The following IMMP2L variants were observed in gnomAD, a reference collection of about 807,000 sequenced individuals.
IMMP2L encodes the protein inner mitochondrial membrane peptidase subunit 2, also known as mitochondrial inner membrane protease subunit 2.
IMMP2L carries 18 observed loss-of-function variants against 19.3 expected under a neutral mutation model. The ratio of observed to expected loss-of-function variants is 0.93; its 90% CI spans 0.64 to 1.38. The LOEUF is 1.38. Ranked by LOEUF, IMMP2L falls within the 40% of genes most tolerant of loss-of-function variation. The pLI is 0.00. For synonymous variants in IMMP2L, 76 were observed against 73.0 expected (o/e 1.04, Z -0.21); for missense variants, 233 against 218.2 (o/e 1.07, Z -0.43).
chr7:110,962,745 A>C, intron 4 of IMMP2L: 1 of 1,058,748 alleles, frequency 9.4e-7, no homozygotes, highest in Non-Finnish European at 1.1e-6. Flanking sequence ...AGATTAGTTA[A>C]TATGTGTACT....
chr7:111,404,348 T>A (rs1238723348), intron 3 of IMMP2L, among the ~76,000 whole-genome samples: 9 of 151,872 alleles, frequency 5.9e-5, no homozygotes, highest in African/African-American at 1.9e-4. Context: ...AATGAAAAAA[T>A]TTTACTTCCT....
intron 3 of IMMP2L, among the ~76,000 whole-genome samples, chr7:111,055,917 T>C (rs968219685): frequency 6.6e-6 from 1 of 152,220 alleles, no homozygotes; most frequent in Non-Finnish European, 1.5e-5. Flanking sequence ...TATTGATGTA[T>C]GTGTGGCAAT....
intron 3 of IMMP2L, among the ~76,000 whole-genome samples, chr7:111,303,610 T>C (rs1398223925): frequency 6.6e-6 from 1 of 152,114 alleles, no homozygotes; most frequent in Non-Finnish European, 1.5e-5. Flanking sequence ...TCCCATTCTT[T>C]AAAACTACAC....
intron 3 of IMMP2L, among the ~76,000 whole-genome samples, chr7:111,093,601 T>C (rs565546862): frequency 6.6e-6 from 1 of 152,302 alleles, no homozygotes; most frequent in East Asian, 1.9e-4. Context: ...GAACAGTGGA[T>C]TCACTCTTTA....
chr7:110,692,323 T>C (rs1267957374), intron 5 of IMMP2L, among the ~76,000 whole-genome samples: 1 of 152,094 alleles, frequency 6.6e-6, no homozygotes, highest in Non-Finnish European at 1.5e-5. Flanking sequence ...AGTGGTATAA[T>C]GGATGCTGGA....
chr7:111,096,581 C>T (rs1187534092), intron 3 of IMMP2L, among the ~76,000 whole-genome samples: 2 of 151,262 alleles, frequency 1.3e-5, no homozygotes, highest in Non-Finnish European at 2.9e-5. Context: ...GTTGTTCTAC[C>T]TACTCATCCA....
intron 5 of IMMP2L, among the ~76,000 whole-genome samples, chr7:110,742,073 G>A (rs938736396): frequency 2.0e-5 from 3 of 152,104 alleles, no homozygotes; most frequent in African/African-American, 7.2e-5. Flanking sequence ...GACGCTTAAC[G>A]TAGCCTCAAG....
chr7:110,668,991 ATTAG>A (rs377674318), intron 5 of IMMP2L, among the ~76,000 whole-genome samples: 22 of 146,588 alleles, frequency 1.5e-4, no homozygotes, highest in African/African-American at 2.7e-4. Flanking sequence ...TACTGGCTGT[ATTAG>A]TTAGGTTCTC....
chr7:110,821,884 C>T (rs1484897368), intron 5 of IMMP2L, among the ~76,000 whole-genome samples: 1 of 152,098 alleles, frequency 6.6e-6, no homozygotes, highest in African/African-American at 2.4e-5. Context: ...GATCACGTCA[C>T]TGCACTCCAG....
At chr7:110,773,083 G>A (rs536647897) in intron 5 of IMMP2L, among the ~76,000 whole-genome samples, 100 of 151,812 alleles carry the variant, frequency 6.6e-4, no homozygotes, top group African/African-American at 2.3e-3. Flanking sequence ...TAAATTCCAC[G>A]TAACAAGACC....
chr7:111,393,151 CT>C (rs1249340553), intron 3 of IMMP2L, among the ~76,000 whole-genome samples: 1 of 151,924 alleles, frequency 6.6e-6, no homozygotes, highest in Non-Finnish European at 1.5e-5. Context: ...CAACCTGAAG[CT>C]TTTTAAGGGC....
intron 5 of IMMP2L, among the ~76,000 whole-genome samples, chr7:110,745,772 A>G (rs1024507833): frequency 3.3e-5 from 5 of 152,226 alleles, no homozygotes; most frequent in African/African-American, 1.2e-4. Context: ...GGAAAGGAAC[A>G]ACCAGCACCA....
At position 110,699,127 on chromosome 7, in the gene IMMP2L, TC is replaced by T. The variant is rs61691321; in HGVS notation, c.409-35407del. 9.3e-3 allele frequency among the ~76,000 whole-genome samples: 1,417 copies of T among 152,216 alleles called. 26 individuals carry two copies. Among genetic ancestry groups the T allele is most frequent in the African/African-American group, 0.032 (1,310 of 41,532 alleles). ...ATCCACTGAGGAAAAGTGTTATTCT[TC>T]CCCATAACTCCTCTACCTATTCTTT... On this transcript the variant is annotated intron_variant, in intron 5 of 5. Transcript: ENST00000405709.
intron 3 of IMMP2L, among the ~76,000 whole-genome samples, chr7:111,111,178 T>C (rs1234750325): frequency 2.0e-5 from 3 of 151,986 alleles, no homozygotes; most frequent in Non-Finnish European, 4.4e-5. Context: ...TAACCCTGTT[T>C]TGAAAGAACT....
At chr7:111,381,895 A>C (rs180998644) in intron 3 of IMMP2L, among the ~76,000 whole-genome samples, 1 of 152,150 alleles carries the variant, frequency 6.6e-6, no homozygotes, top group East Asian at 1.9e-4. Context: ...AAACTGAGGA[A>C]AGGCTGTTAT....
At chr7:110,967,436 C>A (rs1819658774) in intron 3 of IMMP2L, among the ~76,000 whole-genome samples, 1 of 151,964 alleles carries the variant, frequency 6.6e-6, no homozygotes, top group Admixed American at 6.6e-5. Flanking sequence ...AATAACTTAA[C>A]CCTAGGTCTA....
intron 1 of IMMP2L, among the ~76,000 whole-genome samples, chr7:111,556,212 T>A (rs952933603): frequency 7.9e-5 from 12 of 151,474 alleles, no homozygotes; most frequent in Admixed American, 7.2e-4. Context: ...CAGCCATGTA[T>A]AATGAAAGAG....
At chr7:111,216,728 G>A (rs1051113002) in intron 3 of IMMP2L, among the ~76,000 whole-genome samples, 2 of 152,056 alleles carry the variant, frequency 1.3e-5, no homozygotes, top group Non-Finnish European at 2.9e-5. Context: ...GGCAAAAGAT[G>A]AGACATCCAA....
chr7:110,887,500 T>C (rs572927202), intron 4 of IMMP2L, among the ~76,000 whole-genome samples: 69 of 152,124 alleles, frequency 4.5e-4, no homozygotes, highest in African/African-American at 1.5e-3. Context: ...GACTTAGTTA[T>C]TCTACTTGTA....
Sources: allele counts gnomAD v4.1 joint callset (sites outside exome capture counted in the v4.1 genomes callset), GRCh38; gene constraint gnomAD v4.1.1; transcripts MANE v1.5; gene names NCBI Gene and HGNC (gene_info 2026-07-23, HGNC 2026-07-21).